The following TSHZ3 variants were observed in gnomAD, a reference collection of about 807,000 sequenced individuals.
The protein encoded by TSHZ3 is teashirt zinc finger homeobox 3.
In TSHZ3, 10 loss-of-function variants were observed where a neutral mutation model predicts 64.5. That is an observed-to-expected ratio of 0.16 (90% CI 0.10 to 0.26). The LOEUF is 0.26. Ranked by LOEUF, TSHZ3 falls within the 10% of genes least tolerant of loss-of-function variation. TSHZ3 has a pLI of 1.00. For synonymous variants in TSHZ3, 608 were observed against 593.1 expected, an observed-to-expected ratio of 1.03 and a Z score of -0.36; for missense variants, 1,242 against 1,421.7, an observed-to-expected ratio of 0.87 and a Z score of 2.03.
At chr19:31,338,835 C>CTTTCTTT (rs1465347545) in intron 1 of TSHZ3, among the ~76,000 whole-genome samples, 17 of 148,574 alleles carry the variant, frequency 1.1e-4, no homozygotes, top group African/African-American at 3.7e-4. Flanking sequence ...TTCTTTCTTT[C>CTTTCTTT]TTTCTTTTTT....
chr19:31,268,148 G>A (rs567195446), intron 1 of TSHZ3, among the ~76,000 whole-genome samples: 3 of 152,296 alleles, frequency 2.0e-5, no homozygotes, highest in African/African-American at 4.8e-5. Context: ...CACCATGTAA[G>A]ATGCGCCTTT....
chr19:31,259,747 T>C (rs997325705), intron 1 of TSHZ3, among the ~76,000 whole-genome samples: 3 of 152,220 alleles, frequency 2.0e-5, no homozygotes, highest in African/African-American at 7.2e-5. Context: ...CACTGTTTGC[T>C]GAAGGAGCTG....
At position 31,150,115 on chromosome 19, in the gene TSHZ3, A is replaced by G. The variant is rs184319592; in HGVS notation, n.2501T>C. Among the ~76,000 whole-genome samples the G allele has an allele frequency of 8.7e-4, 133 of 152,112 alleles. 2 individuals carry two copies. The highest frequency in any genetic ancestry group is 2.9e-3 in the African/African-American group (121 of 41,538). On this transcript the variant is annotated non_coding_transcript_exon_variant, in exon 7 of 7. Transcript: ENST00000651361. Reference sequence around the variant, plus strand: ...GAATGGATCTCGTTTAATTTGGAAAACTTTTGCATGCAAAATGTGATTTTT... The same window carrying G: ...GAATGGATCTCGTTTAATTTGGAAAGCTTTTGCATGCAAAATGTGATTTTT...
chr19:31,212,394 G>A (rs960979026), intron 4 of TSHZ3, among the ~76,000 whole-genome samples: 1 of 152,064 alleles, frequency 6.6e-6, no homozygotes, highest in African/African-American at 2.4e-5. Context: ...GAAGTCGGAG[G>A]TTGCAGTGAG....
At chr19:31,299,659 C>T (rs1976721410) in intron 1 of TSHZ3, among the ~76,000 whole-genome samples, 1 of 152,156 alleles carries the variant, frequency 6.6e-6, no homozygotes, top group African/African-American at 2.4e-5. Context: ...GCCTGTGCTC[C>T]AAAGGTCCCC....
intron 1 of TSHZ3, among the ~76,000 whole-genome samples, chr19:31,326,732 C>T (rs1380310277): frequency 2.0e-5 from 3 of 152,216 alleles, no homozygotes; most frequent in South Asian, 2.1e-4. Flanking sequence ...TTAGGGAGAA[C>T]GGAGCACATG....
chr19:31,345,341 T>C (rs543413187), intron 1 of TSHZ3, among the ~76,000 whole-genome samples: 2 of 152,314 alleles, frequency 1.3e-5, no homozygotes, highest in African/African-American at 4.8e-5. Context: ...GAATGCTCCA[T>C]GTGCTTCCAA....
Position 31,277,340 on chromosome 19 carries a change from G to A in TSHZ3, c.2453C>T (p.Ser818Phe). Residue 818 changes from serine (S) to phenylalanine (F), a missense_variant, in exon 2 of 2, where the codon TCC becomes TTC. Ser to Phe is a radical substitution (Grantham distance 155, BLOSUM62 -2). This residue lies in a region of TSHZ3 where 550 missense variants were observed against 545.1 expected (regional missense o/e 1.01). Coordinates refer to ENST00000240587, the MANE Select transcript of TSHZ3 (RefSeq NM_020856.4). This position sits in a 1 kb window ranked among gnomAD's most constrained non-coding sequence, Gnocchi z 4.5. ...CTTTGCCGTTGTCACCGTGGATGAG[G>A]AGGTTGCCGGGGCTGTGGACGTGGG... ...LSPTSTAPAT[S>F]SSTVTTAKTS... 1 of 1,613,934 alleles carries A rather than the reference G, an allele frequency of 6.2e-7. No homozygotes were observed. The highest frequency in any genetic ancestry group is 8.5e-7 in the Non-Finnish European group (1 of 1,179,782).
chr19:31,272,171 C>G (rs1162219596), downstream of TSHZ3, among the ~76,000 whole-genome samples: 1 of 152,216 alleles, frequency 6.6e-6, no homozygotes, highest in African/African-American at 2.4e-5. Context: ...GCTCCTGTCT[C>G]TCTGCCACTC....
intron 4 of TSHZ3, among the ~76,000 whole-genome samples, chr19:31,214,162 G>A (rs1975295771): frequency 6.6e-6 from 1 of 152,192 alleles, no homozygotes; most frequent in South Asian, 2.1e-4. Context: ...CCGGCTGGTT[G>A]TTCCAAATCT....
At chr19:31,238,306 A>G (rs1051714223) in intron 3 of TSHZ3, among the ~76,000 whole-genome samples, 1 of 147,016 alleles carries the variant, frequency 6.8e-6, no homozygotes, top group Non-Finnish European at 1.5e-5. Context: ...CCCGGACTGC[A>G]GAGCAATGGC....
chr19:31,262,989 A>G (rs1975999753), intron 1 of TSHZ3, among the ~76,000 whole-genome samples: 3 of 152,262 alleles, frequency 2.0e-5, no homozygotes, highest in Admixed American at 6.5e-5. Context: ...GAGAAAACCC[A>G]GATGAAATTA....
At chr19:31,259,069 C>T (rs1454520569) in intron 1 of TSHZ3, among the ~76,000 whole-genome samples, 2 of 152,160 alleles carry the variant, frequency 1.3e-5, no homozygotes, top group Non-Finnish European at 2.9e-5. Flanking sequence ...AATTTTAATG[C>T]TTTCTCTAAG....
At chr19:31,312,620 G>A (rs567580987) in intron 1 of TSHZ3, among the ~76,000 whole-genome samples, 30 of 152,264 alleles carry the variant, frequency 2.0e-4, no homozygotes, top group East Asian at 5.8e-4. Context: ...GAAGTTAATC[G>A]AAGTCAGTGT....
Position 31,198,894 on chromosome 19 carries a change from CAGA to C in TSHZ3, n.809+6059_809+6061del, listed in dbSNP as rs542620815. Among the ~76,000 whole-genome samples the C allele has an allele frequency of 9.1e-4, 138 of 152,220 alleles. 1 individual carries two copies. The highest frequency in any genetic ancestry group is 3.1e-3 in the African/African-American group (128 of 41,532). ...CTCAGCACAATCCTAATCAAAATCC[CAGA>C]AGGTTATTTTGTAGATATTGACTAA... is the stretch of plus-strand genomic sequence containing the variant. On this transcript the variant is annotated intron_variant and non_coding_transcript_variant, in intron 5 of 6. Coordinates refer to the TSHZ3 transcript ENST00000651361.
intron 4 of TSHZ3, among the ~76,000 whole-genome samples, chr19:31,226,587 A>G (rs1227988573): frequency 6.6e-6 from 1 of 152,154 alleles, no homozygotes; most frequent in African/African-American, 2.4e-5. Context: ...CAGCGTGAAA[A>G]TGGACTAATA....
intron 4 of TSHZ3, among the ~76,000 whole-genome samples, chr19:31,225,400 A>G (rs1975446013): frequency 3.9e-5 from 6 of 152,110 alleles, no homozygotes; most frequent in Admixed American, 3.9e-4. Context: ...TGCCACACAC[A>G]TCTCAGCCTG....
At position 31,151,209 on chromosome 19, in the gene TSHZ3, G is replaced by T. The variant is rs192032244; in HGVS notation, n.1407C>A. Reference sequence around the variant, plus strand: ...ATGGCAGTGTAAGTGACGGGAAAAGGTTGGCTGATTTGATGAAAACCCCAT... The same window carrying T: ...ATGGCAGTGTAAGTGACGGGAAAAGTTTGGCTGATTTGATGAAAACCCCAT... On this transcript the variant is annotated non_coding_transcript_exon_variant, in exon 7 of 7. Transcript: ENST00000651361. Among the ~76,000 whole-genome samples, 72 of 152,264 alleles carry T rather than the reference G, an allele frequency of 4.7e-4. 3 individuals carry two copies. The East Asian group carries it at 7.1e-3, about 15-fold the overall frequency.
At chr19:31,332,031 A>C (rs1042973322) in intron 1 of TSHZ3, among the ~76,000 whole-genome samples, 2 of 152,152 alleles carry the variant, frequency 1.3e-5, no homozygotes, top group Non-Finnish European at 2.9e-5. Flanking sequence ...CCTCTAACTG[A>C]GTCTCCAAAA....
Sources: gnomAD v4.1 joint callset for allele counts (sites outside exome capture counted in the v4.1 genomes callset) on GRCh38, gnomAD v4.1.1 for gene constraint, gnomAD v4.1.1 regional missense constraint, Gnocchi (gnomAD v3.1) non-coding constraint, MANE v1.5 for transcripts, NCBI Gene and HGNC (gene_info 2026-07-23, HGNC 2026-07-21) for gene names.